Variants in ADGRV1 observed in about 807,000 individuals in gnomAD.
The protein encoded by ADGRV1 is G-protein coupled receptor 98.
Under a neutral mutation model 596.2 loss-of-function variants are expected in ADGRV1, and 359 were observed. That is an observed-to-expected ratio of 0.60 (90% CI 0.55 to 0.66). The LOEUF (loss-of-function observed/expected upper bound fraction) is 0.66, where lower values mean the gene tolerates loss of function less well. Among genes scored for constraint, ADGRV1 ranks in the 30% least tolerant of loss-of-function variants. ADGRV1 has a pLI of 0.00. For missense variants in ADGRV1, 7,274 were observed against 7,575.6 expected (o/e 0.96, Z 1.48); for synonymous variants, 2,681 against 2,679.2 (o/e 1.00, Z -0.02).
At chr5:90,605,432 T>C (rs1047896406) in intron 1 of ADGRV1, among the ~76,000 whole-genome samples, 22 of 149,630 alleles carry the variant, frequency 1.5e-4, no homozygotes, top group African/African-American at 5.2e-4. Context: ...AAAAAAAAGA[T>C]AAAAAAATAG....
chr5:90,800,400 C>T (rs554786923), intron 70 of ADGRV1, among the ~76,000 whole-genome samples: 59 of 151,940 alleles, frequency 3.9e-4, no homozygotes, highest in South Asian at 2.1e-3. Context: ...GTTAGAATGG[C>T]GATCATTAAA....
chr5:90,593,795 G>A (rs544445706), intron 1 of ADGRV1, among the ~76,000 whole-genome samples: 17 of 151,668 alleles, frequency 1.1e-4, no homozygotes, highest in Admixed American at 5.2e-4. Context: ...CTATGATCTT[G>A]GTAGGAGTTT....
chr5:90,724,781 T>A (rs2149794013), intron 45 of ADGRV1, 51 bp from the exon 46 acceptor site: 1 of 1,499,108 alleles, frequency 6.7e-7, no homozygotes, highest in South Asian at 1.2e-5. Context: ...TTAGAATAGA[T>A]AAGTTTTTGA....
intron 85 of ADGRV1, among the ~76,000 whole-genome samples, chr5:91,054,739 C>T (rs1170512166): frequency 6.6e-6 from 1 of 152,148 alleles, no homozygotes; most frequent in Non-Finnish European, 1.5e-5. Flanking sequence ...CCCCCAAAGC[C>T]CTTCCTCCTA....
At position 90,627,224 on chromosome 5, in the gene ADGRV1, A is replaced by G. The variant is rs200541858; in HGVS notation, c.686A>G (p.Asp229Gly). Residue 229 changes from aspartate (D) to glycine (G), a missense_variant, in exon 7 of 90, where the codon GAT becomes GGT. Around this residue, in one of 5 missense-constraint regions of ADGRV1, gnomAD observed 1,715 missense variants for 1,708.8 expected, o/e 1.00. Transcript: ENST00000405460. ...TVLDDEVPENDEIFLIQLKSV... is the reference protein window; with the variant it reads ...TVLDDEVPENGEIFLIQLKSV... ...TTCCTTTAACAGGTACCAGAAAATGATGAAATATTTTTAATTCAACTGAAA... is the reference window on the plus strand; with the variant it reads ...TTCCTTTAACAGGTACCAGAAAATGGTGAAATATTTTTAATTCAACTGAAA... 2.9e-4 allele frequency: 444 copies of G among 1,530,000 alleles called. No homozygotes were observed. Among genetic ancestry groups the G allele is most frequent in the Non-Finnish European group, 3.7e-4 (417 of 1,139,758 alleles). 94.8% of individuals were successfully genotyped at this position (1,530,000 alleles called of 1,614,324 possible).
At chr5:90,685,686 T>C in intron 28 of ADGRV1, 94 bp from the exon 29 acceptor site, 1 of 619,616 alleles carries the variant, frequency 1.6e-6, no homozygotes, top group Non-Finnish European at 2.7e-6. Flanking sequence ...CCTATTTGGC[T>C]GATGGAATCT....
chr5:90,737,288 G>A (rs1182663645), intron 50 of ADGRV1, among the ~76,000 whole-genome samples: 3 of 151,932 alleles, frequency 2.0e-5, no homozygotes, highest in African/African-American at 7.2e-5. Context: ...ATTATGATCA[G>A]AAAACATACT....
Position 90,704,482 on chromosome 5 carries a change from A to T in ADGRV1, c.8380A>T (p.Thr2794Ser), listed in dbSNP as rs986354827. ...VYQVILYDVRTQGVPPAGIAL... is the reference protein window; with the variant it reads ...VYQVILYDVRSQGVPPAGIAL... Reference sequence around the variant, plus strand: ...CCAAGTCATTCTGTATGATGTCAGGACACAAGGTAATTCAGAATTTAATTT... The same window carrying T: ...CCAAGTCATTCTGTATGATGTCAGGTCACAAGGTAATTCAGAATTTAATTT... The change falls in exon 36 of 90, where the codon ACA (threonine) becomes TCA (serine). Residue 2794 changes from threonine to serine, a missense_variant. Around this residue, in one of 5 missense-constraint regions of ADGRV1, gnomAD observed 3,643 missense variants for 3,809.2 expected, o/e 0.96. Coordinates refer to ENST00000405460, the MANE Select transcript of ADGRV1 (RefSeq NM_032119.4). 2.6e-6 allele frequency: 4 copies of T among 1,532,536 alleles called. No homozygotes were observed. Among genetic ancestry groups the T allele is most frequent in the Non-Finnish European group, 3.6e-6 (4 of 1,126,572 alleles). The allele number at this position is 1,532,536 out of a possible 1,614,324, so 94.9% of individuals were successfully genotyped here. A position where few individuals can be genotyped will look rare whatever the true frequency, so the allele number is the denominator to read the frequency against.
intron 86 of ADGRV1, among the ~76,000 whole-genome samples, chr5:91,083,149 C>T (rs761907726): frequency 1.8e-4 from 28 of 151,644 alleles, no homozygotes; most frequent in Non-Finnish European, 3.2e-4. Context: ...GGACAGAAAA[C>T]CAAACACCGC....
chr5:90,984,883 C>T (rs2151046163), intron 84 of ADGRV1, among the ~76,000 whole-genome samples: 1 of 152,286 alleles, frequency 6.6e-6, no homozygotes, highest in East Asian at 1.9e-4. Context: ...GTTATTTCCC[C>T]ACTAGAACAG....
intron 85 of ADGRV1, among the ~76,000 whole-genome samples, chr5:91,046,557 A>G (rs866760416): frequency 6.6e-6 from 1 of 152,218 alleles, no homozygotes; most frequent in Non-Finnish European, 1.5e-5. Context: ...AACTATAAAA[A>G]TTCTAGAAGA....
chr5:90,611,436 T>G (rs916025482), intron 1 of ADGRV1, among the ~76,000 whole-genome samples: 1 of 151,944 alleles, frequency 6.6e-6, no homozygotes, highest in Non-Finnish European at 1.5e-5. Context: ...ATAAGGGATA[T>G]AGTGGAAGAA....
intron 87 of ADGRV1, among the ~76,000 whole-genome samples, chr5:91,105,954 T>TAAAAGG (rs1791829543): frequency 6.6e-6 from 1 of 150,904 alleles, no homozygotes; most frequent in African/African-American, 2.4e-5. Flanking sequence ...ACCTTTTATT[T>TAAAAGG]ATATTTAATA....
chr5:90,955,769 C>T (rs1186471661), intron 83 of ADGRV1, among the ~76,000 whole-genome samples: 2 of 152,118 alleles, frequency 1.3e-5, no homozygotes, highest in Non-Finnish European at 2.9e-5. Context: ...GGGAATTCTG[C>T]TCTGTAGTTA....
At chr5:90,969,372 C>G (rs780438883) in intron 84 of ADGRV1, among the ~76,000 whole-genome samples, 1 of 152,086 alleles carries the variant, frequency 6.6e-6, no homozygotes, top group Non-Finnish European at 1.5e-5. Flanking sequence ...TTCTTTTTAA[C>G]CAAAGAAGAT....
chr5:91,036,126 G>A (rs1172290204), intron 85 of ADGRV1, among the ~76,000 whole-genome samples: 1 of 151,778 alleles, frequency 6.6e-6, no homozygotes, highest in Admixed American at 6.6e-5. Flanking sequence ...AGGAGGTAAG[G>A]CATGTATCCT....
intron 54 of ADGRV1, among the ~76,000 whole-genome samples, chr5:90,754,635 T>A (rs2149970556): frequency 6.6e-6 from 1 of 152,344 alleles, no homozygotes; most frequent in Middle Eastern, 3.4e-3. Context: ...TGAGCCTTTA[T>A]AATTATCATC....
chr5:91,081,404 C>T (rs1789364384), intron 86 of ADGRV1, among the ~76,000 whole-genome samples: 1 of 152,094 alleles, frequency 6.6e-6, no homozygotes, highest in Non-Finnish European at 1.5e-5. Flanking sequence ...TTGTCTATCC[C>T]CATTCCACAC....
intron 34 of ADGRV1, among the ~76,000 whole-genome samples, chr5:90,697,916 G>T (rs1216308131): frequency 6.6e-6 from 1 of 152,086 alleles, no homozygotes; most frequent in Non-Finnish European, 1.5e-5. Flanking sequence ...TTGTGTACTT[G>T]GACATCTATT....
Sources: gnomAD v4.1 joint callset for allele counts (sites outside exome capture counted in the v4.1 genomes callset) on GRCh38, gnomAD v4.1.1 for gene constraint, gnomAD v4.1.1 regional missense constraint, MANE v1.5 for transcripts, NCBI Gene and HGNC (gene_info 2026-07-23, HGNC 2026-07-21) for gene names.